ITPRID2: variants seen among roughly 807,000 people sequenced by gnomAD.
ITPRID2 encodes the protein ITPR interacting domain containing 2, also known as protein ITPRID2.
ITPRID2 carries 60 observed loss-of-function variants against 124.3 expected under a neutral mutation model. The ratio of observed to expected loss-of-function variants is 0.48; its 90% CI spans 0.39 to 0.60. The LOEUF (loss-of-function observed/expected upper bound fraction) is 0.60. Among genes scored for constraint, ITPRID2 ranks in the 20% least tolerant of loss-of-function variants. The probability of loss-of-function intolerance (pLI) is 0.00; values close to 1 mark genes in which losing one functional copy is unlikely to be tolerated. For synonymous variants in ITPRID2, 521 were observed against 542.9 expected (o/e 0.96, Z 0.56); for missense variants, 1,553 against 1,512.2 (o/e 1.03, Z -0.45).
At chr2:181,923,254 ATC>A (rs1205316288) in intron 16 of ITPRID2, among the ~76,000 whole-genome samples, 1 of 152,228 alleles carries the variant, frequency 6.6e-6, no homozygotes. Flanking sequence ...CAATGCAATT[ATC>A]TCTGTTTACC....
chr2:181,891,900 C>G lies in ITPRID2; in HGVS notation c.-167C>G. 9 of 288,856 alleles carry G rather than the reference C, an allele frequency of 3.1e-5. No homozygotes were observed. In the East Asian group the frequency reaches 7.4e-4, roughly 24 times the overall value. 17.9% of individuals were successfully genotyped at this position (288,856 alleles called of 1,614,324 possible). On this transcript the variant is annotated 5_prime_UTR_variant, in exon 1 of 18. Coordinates refer to ENST00000431877, the MANE Select transcript of ITPRID2 (RefSeq NM_001130445.3). ...CTCCGCCCCTTCCCTCCCCTTCCTT[C>G]CCTCCCTCCCTCCCTGTCCCCTCCT...
At chr2:181,921,517 G>A (rs1171115479) in intron 15 of ITPRID2, among the ~76,000 whole-genome samples, 5 of 152,114 alleles carry the variant, frequency 3.3e-5, no homozygotes, top group Non-Finnish European at 5.9e-5. Flanking sequence ...TACATTTCAG[G>A]AGACATGTGC....
chr2:181,916,574 T>C (rs1188186709), intron 11 of ITPRID2, 147 bp downstream of exon 11: 36 of 1,059,360 alleles, frequency 3.4e-5, no homozygotes, highest in Non-Finnish European at 4.8e-5. Context: ...TCTGCCTTCG[T>C]TTTCTATCTT....
Position 181,892,262 on chromosome 2 carries a change from G to C in ITPRID2, c.196G>C (p.Ala66Pro). ...GGACCTCCCCGGCGCGCAGCTGCCG[G>C]CAGCGGGGGGAAGAGGTCGGTGCTC... ...EEDLPGAQLPAAGGRGNVPNE... is the reference protein window; with the variant it reads ...EEDLPGAQLPPAGGRGNVPNE... Residue 66 changes from alanine to proline, a missense_variant, in exon 1 of 18, where the codon GCA becomes CCA. Transcript: ENST00000431877. The surrounding 1 kb of genome is among the most constrained non-coding windows in gnomAD (Gnocchi z 5.2). 1 of 1,548,200 alleles carries C rather than the reference G, an allele frequency of 6.5e-7. No homozygotes were observed. Among genetic ancestry groups the C allele is most frequent in the South Asian group, 1.2e-5 (1 of 83,974 alleles).
At position 181,896,965 on chromosome 2, in the gene ITPRID2, G is replaced by T; in HGVS notation, c.364+1G>T. 1 of 1,611,434 alleles carries T rather than the reference G, an allele frequency of 6.2e-7. No individual in the cohort carries two copies. Among genetic ancestry groups the T allele is most frequent in the Non-Finnish European group, 8.5e-7 (1 of 1,177,962 alleles). On this transcript the variant is annotated splice_donor_variant, in intron 4 of 17. Transcript: ENST00000431877. LOFTEE classifies it high-confidence loss of function. This position sits in a 1 kb window ranked among gnomAD's most constrained non-coding sequence, Gnocchi z 4.3. ...GATGATTTGTCATTGGGAGCTGAAGGTATGTTTGTTTGGAAGAACTGTATT... is the reference window on the plus strand; with the variant it reads ...GATGATTTGTCATTGGGAGCTGAAGTTATGTTTGTTTGGAAGAACTGTATT...
In ITPRID2 at chr2:181,906,777, C is replaced by T. The variant is rs141022161; in HGVS notation, c.1414-3122C>T. ...AAAAAAAAAAAATACGGATATTTAT[C>T]GCAGATAATTGTCAGAGGCCGTTAG... On this transcript the variant is annotated intron_variant, in intron 8 of 17. Transcript: ENST00000431877. Among the ~76,000 whole-genome samples, 14 of 152,068 alleles carry T rather than the reference C, an allele frequency of 9.2e-5. No homozygotes were observed. In the South Asian group the frequency reaches 1.2e-3, roughly 14 times the overall value.
chr2:181,895,548 G>A (rs1692128983), intron 2 of ITPRID2, among the ~76,000 whole-genome samples: 1 of 152,010 alleles, frequency 6.6e-6, no homozygotes, highest in African/African-American at 2.4e-5. Flanking sequence ...GCTAGTGATA[G>A]ATTAACAGAT....
Position 181,905,719 on chromosome 2 carries a change from C to G in ITPRID2, c.1413+3253C>G, listed in dbSNP as rs940834095. 6.6e-6 allele frequency among the ~76,000 whole-genome samples: 1 copy of G among 152,142 alleles called. No homozygotes were observed. Among genetic ancestry groups the G allele is most frequent in the African/African-American group, 2.4e-5 (1 of 41,432 alleles). ...TGATGTGTTAGTAACTGTTTCTAATCCTGTCTTCATACTAATTATTGATTT... is the reference window on the plus strand; with the variant it reads ...TGATGTGTTAGTAACTGTTTCTAATGCTGTCTTCATACTAATTATTGATTT... On this transcript the variant is annotated intron_variant, in intron 8 of 17. Transcript: ENST00000431877. This position sits in a 1 kb window ranked among gnomAD's most constrained non-coding sequence, Gnocchi z 4.1.
At chr2:181,899,714 T>G (rs1481195614) in intron 6 of ITPRID2, among the ~76,000 whole-genome samples, 1 of 152,112 alleles carries the variant, frequency 6.6e-6, no homozygotes, top group Non-Finnish European at 1.5e-5. Context: ...TATGGTGGGA[T>G]CCACCTGTAG....
rs1204508989 is a variant in ITPRID2, at chr2:181,916,391, A to C, written c.2751A>C (p.Leu917Phe). The C allele has an allele frequency of 1.2e-6, 2 of 1,614,206 alleles. No individual in the cohort carries two copies. Among genetic ancestry groups the C allele is most frequent in the Non-Finnish European group, 1.7e-6 (2 of 1,180,002 alleles). Residue 917 changes from leucine to phenylalanine, a missense_variant, in exon 11 of 18, where the codon TTA becomes TTC. Transcript: ENST00000431877. ...TAGAAATGCAGTTGCGAAGAGTATTACATGATATTAGAAACTCACTGCAGA... is the reference window on the plus strand; with the variant it reads ...TAGAAATGCAGTTGCGAAGAGTATTCCATGATATTAGAAACTCACTGCAGA... ...SAIEMQLRRV[L>F]HDIRNSLQNL...
Position 181,892,620 on chromosome 2 carries a change from G to A in ITPRID2, c.217G>A (p.Val73Met), listed in dbSNP as rs1411336319. ...TCCCCTCTCTCTACCCCCAGGAAAC[G>A]TGCCCAACGAGAAGATCGCGATATG... ...QLPAAGGRGN[V>M]PNEKIAIWLK... The change falls in exon 2 of 18, where the codon GTG (valine) becomes ATG (methionine). Residue 73 changes from valine (V) to methionine (M), a missense_variant. Transcript: ENST00000431877. This position sits in a 1 kb window ranked among gnomAD's most constrained non-coding sequence, Gnocchi z 5.2. The A allele has an allele frequency of 1.9e-6, 3 of 1,614,094 alleles. No individual in the cohort carries two copies. Among genetic ancestry groups the A allele is most frequent in the South Asian group, 2.2e-5 (2 of 91,070 alleles).
At chr2:181,921,584 T>C (rs1694488635) in intron 15 of ITPRID2, among the ~76,000 whole-genome samples, 1 of 152,244 alleles carries the variant, frequency 6.6e-6, no homozygotes, top group African/African-American at 2.4e-5. Context: ...GACCACGTTT[T>C]TAACAGAAAT....
rs1182431407 is a variant in ITPRID2, at chr2:181,909,776, A to G, written c.1414-123A>G. 3.2e-5 allele frequency: 17 copies of G among 535,188 alleles called. No homozygotes were observed. In the East Asian group the frequency reaches 5.5e-4, roughly 17 times the overall value. The allele number at this position is 535,188 out of a possible 1,614,324, so 33.2% of individuals were successfully genotyped here. On this transcript the variant is annotated intron_variant, in intron 8 of 17. Transcript: ENST00000431877. ...TGAGGTCAGATTTCTTAAAGTTTGA[A>G]TATATATATAATGTTTTGGTGCACT...
At position 181,919,929 on chromosome 2, in the gene ITPRID2, A is replaced by G. The variant is rs1348540399; in HGVS notation, c.3144+483A>G. Reference sequence around the variant, plus strand: ...TACCTGTATATTTTCATACATATATATACATACACATACATATATGTATTT... The same window carrying G: ...TACCTGTATATTTTCATACATATATGTACATACACATACATATATGTATTT... On this transcript the variant is annotated intron_variant, in intron 14 of 17. Transcript: ENST00000431877. This position sits in a 1 kb window ranked among gnomAD's most constrained non-coding sequence, Gnocchi z 4.2. 6.6e-6 allele frequency among the ~76,000 whole-genome samples: 1 copy of G among 152,060 alleles called. No individual in the cohort carries two copies. The highest frequency in any genetic ancestry group is 1.5e-5 in the Non-Finnish European group (1 of 67,990).
chr2:181,902,366 T>C lies in ITPRID2; in HGVS notation c.1313T>C (p.Val438Ala), dbSNP rs775785410. 1 of 1,613,796 alleles carries C rather than the reference T, an allele frequency of 6.2e-7. No homozygotes were observed. The highest frequency in any genetic ancestry group is 1.7e-5 in the Admixed American group (1 of 59,992). ...GAAAATAGCAGTGAGCTGAAAAGTG[T>C]CCATATATCCACACCTGAAAAAGAG... ...ELENSSELKSVHISTPEKEPC... is the reference protein window; with the variant it reads ...ELENSSELKSAHISTPEKEPC... The change falls in exon 8 of 18, where the codon GTC becomes GCC. Residue 438 changes from valine (V) to alanine (A), a missense_variant. Val to Ala is a moderately conservative substitution (Grantham distance 64). Transcript: ENST00000431877. The surrounding 1 kb of genome is among the most constrained non-coding windows in gnomAD (Gnocchi z 4.4).
intron 6 of ITPRID2, among the ~76,000 whole-genome samples, chr2:181,900,265 G>T (rs756667022): frequency 1.3e-5 from 2 of 152,062 alleles, no homozygotes; most frequent in Non-Finnish European, 2.9e-5. Flanking sequence ...GCCACTCCTA[G>T]GACAAGGATA....
chr2:181,923,882 A>G (rs1559020344), intron 16 of ITPRID2, among the ~76,000 whole-genome samples: 1 of 152,200 alleles, frequency 6.6e-6, no homozygotes, highest in African/African-American at 2.4e-5. Flanking sequence ...AGACTAGAAC[A>G]TTGATTCTTT....
intron 9 of ITPRID2, among the ~76,000 whole-genome samples, chr2:181,913,149 C>A (rs941852653): frequency 1.3e-5 from 2 of 152,016 alleles, no homozygotes; most frequent in African/African-American, 4.8e-5. Flanking sequence ...CTCACTGCAA[C>A]CTCCACCTCC....
rs1016172983 is a variant in ITPRID2, at chr2:181,902,961, T to C, written c.1413+495T>C. ...TATGACTGGAAAGAACATGAAGATA[T>C]TACGTACCTGCATGGGGAGGATAGG... On this transcript the variant is annotated intron_variant, in intron 8 of 17. Coordinates refer to ENST00000431877, the MANE Select transcript of ITPRID2 (RefSeq NM_001130445.3). This position sits in a 1 kb window ranked among gnomAD's most constrained non-coding sequence, Gnocchi z 4.4. Among the ~76,000 whole-genome samples, 2 of 152,146 alleles carry C rather than the reference T, an allele frequency of 1.3e-5. No homozygotes were observed. Among genetic ancestry groups the C allele is most frequent in the Non-Finnish European group, 2.9e-5 (2 of 68,024 alleles).
Sources: gnomAD v4.1 joint callset for allele counts (sites outside exome capture counted in the v4.1 genomes callset) on GRCh38, gnomAD v4.1.1 for gene constraint, Gnocchi (gnomAD v3.1) non-coding constraint, MANE v1.5 for transcripts, NCBI Gene and HGNC (gene_info 2026-07-23, HGNC 2026-07-21) for gene names.